The following DHX30 variants were observed in gnomAD, a reference collection of about 807,000 sequenced individuals.
DHX30 encodes DExH-box helicase 30.
In DHX30, 4 loss-of-function variants were observed where a neutral mutation model predicts 116.9. That is an observed-to-expected ratio of 0.03 (90% confidence interval 0.02 to 0.08). The LOEUF (loss-of-function observed/expected upper bound fraction) is 0.08, where lower values mean the gene tolerates loss of function less well. Among genes scored for constraint, DHX30 ranks in the 10% least tolerant of loss-of-function variants. The probability of loss-of-function intolerance (pLI) is 1.00; values close to 1 mark genes in which losing one functional copy is unlikely to be tolerated. For synonymous variants in DHX30, 697 were observed against 651.7 expected (o/e 1.07, Z -1.06); for missense variants, 871 against 1,595.1 (o/e 0.55, Z 7.73).
At chr3:47,830,850 C>G (rs149309145) in intron 6 of DHX30, 1 of 152,568 alleles carries the variant, frequency 6.6e-6, no homozygotes, top group Non-Finnish European at 1.5e-5. Flanking sequence ...CCACCTCAGC[C>G]TCGCAAAGTG....
chr3:47,823,092 CAAAA>C (rs548519483), intron 4 of DHX30, among the ~76,000 whole-genome samples: 1 of 53,108 alleles, frequency 1.9e-5, no homozygotes, highest in Non-Finnish European at 3.9e-5. Flanking sequence ...GACTCCATCT[CAAAA>C]AAAAAAAAAA....
At chr3:47,819,542 G>A (rs2036207159) in intron 4 of DHX30, among the ~76,000 whole-genome samples, 1 of 152,188 alleles carries the variant, frequency 6.6e-6, no homozygotes, top group African/African-American at 2.4e-5. Flanking sequence ...CTCTCAGCTA[G>A]AAGCAACAGC....
chr3:47,849,280 C>T lies in DHX30; in HGVS notation c.3018C>T (p.Asn1006=), dbSNP rs770518555. ...SDCTLASAQC[N]EYSEEEELVK... ...GCACCCTGGCCTCCGCCCAGTGCAACGAGTACAGTGAGGAGGAGGAGCTGG... is the reference window on the plus strand; with the variant it reads ...GCACCCTGGCCTCCGCCCAGTGCAATGAGTACAGTGAGGAGGAGGAGCTGG... Residue 1006 remains asparagine (N), a synonymous_variant, in exon 19 of 22, where the codon AAC becomes AAT. Coordinates refer to ENST00000445061, the MANE Select transcript of DHX30 (RefSeq NM_138615.3). The T allele has an allele frequency of 2.5e-5, 41 of 1,614,028 alleles. No individual in the cohort carries two copies. Among genetic ancestry groups the T allele is most frequent in the East Asian group, 1.1e-4 (5 of 44,898 alleles).
In DHX30 at chr3:47,848,931, G is replaced by T; in HGVS notation, c.2781G>T (p.Leu927=). ...TTCTCCCCTCCCAGGTGAAAGCACT[G>T]TTGAGCCATGACAGCGGCAGTGACC... The part of the protein sequence containing the change: ...NRAEVDKVKA[L]LSHDSGSDHL... The change falls in exon 18 of 22, where the codon CTG becomes CTT. Residue 927 remains leucine, a synonymous_variant. Transcript: ENST00000445061. The surrounding 1 kb of genome is among the most constrained non-coding windows in gnomAD (Gnocchi z 9.4). 1.2e-6 allele frequency: 2 copies of T among 1,608,160 alleles called. No homozygotes were observed. Among genetic ancestry groups the T allele is most frequent in the African/African-American group, 2.7e-5 (2 of 74,982 alleles).
chr3:47,809,149 T>C (rs1185821724), intron 2 of DHX30, among the ~76,000 whole-genome samples: 1 of 151,908 alleles, frequency 6.6e-6, no homozygotes, highest in African/African-American at 2.4e-5. Context: ...GATTTTATAA[T>C]ATTCTGGTTT....
At chr3:47,816,556 C>A (rs1304260263) in intron 3 of DHX30, 2 of 949,038 alleles carry the variant, frequency 2.1e-6, no homozygotes, top group Non-Finnish European at 2.5e-6. Flanking sequence ...CGGGGTTTCA[C>A]CATGTTGGCC....
intron 4 of DHX30, among the ~76,000 whole-genome samples, chr3:47,823,663 A>AT (rs956866575): frequency 6.6e-5 from 10 of 151,066 alleles, no homozygotes; most frequent in Admixed American, 2.0e-4. Context: ...CGCCTGGCTG[A>AT]TTTTTTTTTA....
In DHX30 at chr3:47,848,846, C is replaced by T. The variant is rs777997031; in HGVS notation, c.2769+29C>T. ...AGTCCTGGCTCCTTCCTGGAGCCGTCCACCCACTGCTGTTCTGAGGGGGCG... is the reference window on the plus strand; with the variant it reads ...AGTCCTGGCTCCTTCCTGGAGCCGTTCACCCACTGCTGTTCTGAGGGGGCG... On this transcript the variant is annotated intron_variant, in intron 17 of 21. Coordinates refer to ENST00000445061, the MANE Select transcript of DHX30 (RefSeq NM_138615.3). The surrounding 1 kb of genome is among the most constrained non-coding windows in gnomAD (Gnocchi z 9.4). The T allele has an allele frequency of 4.4e-6, 7 of 1,601,062 alleles. No individual in the cohort carries two copies. Among genetic ancestry groups the T allele is most frequent in the Non-Finnish European group, 6.0e-6 (7 of 1,169,608 alleles).
chr3:47,812,483 A>C (rs1271154432), intron 3 of DHX30, among the ~76,000 whole-genome samples: 1 of 146,990 alleles, frequency 6.8e-6, no homozygotes, highest in East Asian at 2.2e-4. Flanking sequence ...GCTTGAACCC[A>C]GGAGGTGCAG....
chr3:47,806,076 C>G (rs2035502923), intron 2 of DHX30, among the ~76,000 whole-genome samples: 1 of 152,000 alleles, frequency 6.6e-6, no homozygotes, highest in Non-Finnish European at 1.5e-5. Flanking sequence ...ACTGCAACCT[C>G]CACCTCCTTA....
At chr3:47,840,509 G>A (rs1317903144) in intron 6 of DHX30, among the ~76,000 whole-genome samples, 1 of 151,836 alleles carries the variant, frequency 6.6e-6, no homozygotes, top group Non-Finnish European at 1.5e-5. Context: ...TGTGGTGCAT[G>A]CCTTTAGTCC....
chr3:47,813,011 T>A (rs1252769760), intron 3 of DHX30, among the ~76,000 whole-genome samples: 1 of 149,192 alleles, frequency 6.7e-6, no homozygotes, highest in Non-Finnish European at 1.5e-5. Context: ...CCACACTATA[T>A]CAAAGTCATT....
At chr3:47,842,651 C>A (rs2037432861) in intron 8 of DHX30, 6 of 152,874 alleles carry the variant, frequency 3.9e-5, no homozygotes, top group Admixed American at 3.3e-4. Flanking sequence ...TCTTTGGCCG[C>A]CGGCTTAATA....
intron 2 of DHX30, 48 bp downstream of exon 2, chr3:47,805,468 G>C (rs371205889): frequency 2.5e-6 from 1 of 398,792 alleles, no homozygotes; most frequent in Non-Finnish European, 4.4e-6. Context: ...CTGATGCTCA[G>C]CTGTACTGTA....
intron 6 of DHX30, among the ~76,000 whole-genome samples, chr3:47,839,276 TTC>T (rs2037255703): frequency 6.6e-6 from 1 of 151,488 alleles, no homozygotes; most frequent in African/African-American, 2.4e-5. Flanking sequence ...GATTCTTATA[TTC>T]TCTTTTTTTT....
At position 47,828,910 on chromosome 3, in the gene DHX30, T is replaced by TTGCTGCTGTGAGGTC. The variant is rs550300573; in HGVS notation, c.256-98_256-84dup. ...TGTTCTCAACTCTGAACCTAGCACA[T>TTGCTGCTGTGAGGTC]TGCTGCTGTGAGGTCTGCTGCTGTG... On this transcript the variant is annotated intron_variant, in intron 5 of 21. Transcript: ENST00000445061. 4,486 of 673,470 alleles carry TTGCTGCTGTGAGGTC rather than the reference T, an allele frequency of 6.7e-3. 34 individuals carry two copies. Among genetic ancestry groups the TTGCTGCTGTGAGGTC allele is most frequent in the Middle Eastern group, 0.016 (67 of 4,118 alleles). The allele number at this position is 673,470 out of a possible 1,614,324, so 41.7% of individuals were successfully genotyped here. A position where few individuals can be genotyped will look rare whatever the true frequency, so the allele number is the denominator to read the frequency against.
chr3:47,847,844 G>A lies in DHX30; in HGVS notation c.2174G>A (p.Arg725His). The A allele has an allele frequency of 6.8e-6, 11 of 1,614,158 alleles. No homozygotes were observed. The highest frequency in any genetic ancestry group is 3.4e-6 in the Non-Finnish European group (4 of 1,180,032). The change falls in exon 14 of 22, where the codon CGC (arginine) becomes CAC (histidine). Residue 725 changes from arginine (R) to histidine (H), a missense_variant. Arg to His is a conservative substitution (Grantham distance 29, BLOSUM62 0). Around this residue, in one of 13 missense-constraint regions of DHX30, gnomAD observed 49 missense variants for 60.9 expected, o/e 0.80. Transcript: ENST00000445061. The surrounding 1 kb of genome is among the most constrained non-coding windows in gnomAD (Gnocchi z 5.5). ...AIFQQPPVGV[R>H]KIVLATNIAE... ...TTCCAGCAGCCTCCAGTTGGGGTGC[G>A]CAAGATTGTCTTGGCCACCAACATT...
In DHX30 at chr3:47,847,499, C is replaced by T. The variant is rs1318222869; in HGVS notation, c.2073C>T (p.Ala691=). 2 of 1,612,326 alleles carry T rather than the reference C, an allele frequency of 1.2e-6. No individual in the cohort carries two copies. Among genetic ancestry groups the T allele is most frequent in the Non-Finnish European group, 1.7e-6 (2 of 1,179,256 alleles). The change falls in exon 13 of 22, where the codon GCC becomes GCT. Residue 691 remains alanine, a synonymous_variant. Coordinates refer to ENST00000445061, the MANE Select transcript of DHX30 (RefSeq NM_138615.3). The surrounding 1 kb of genome is among the most constrained non-coding windows in gnomAD (Gnocchi z 5.5). ...IKGVQQRLQE[A]LGMHESKYLI... ...GAGTGCAGCAGCGCCTCCAGGAGGC[C>T]CTGGGCATGCACGAGAGCAAGTACC... is the stretch of plus-strand genomic sequence containing the variant.
intron 3 of DHX30, chr3:47,816,086 T>G: frequency 2.0e-6 from 2 of 985,334 alleles, no homozygotes; most frequent in Non-Finnish European, 1.2e-6. Context: ...TCCTAGGCAT[T>G]TAGTTCTAGA....
Sources: gnomAD v4.1 joint callset for allele counts (sites outside exome capture counted in the v4.1 genomes callset) on GRCh38, gnomAD v4.1.1 for gene constraint, gnomAD v4.1.1 regional missense constraint, Gnocchi (gnomAD v3.1) non-coding constraint, MANE v1.5 for transcripts, NCBI Gene and HGNC (gene_info 2026-07-23, HGNC 2026-07-21) for gene names.